LOXHD1: variants seen among roughly 807,000 people sequenced by gnomAD.
LOXHD1 encodes lipoxygenase homology PLAT domains 1.
Under a neutral mutation model 248.2 loss-of-function variants are expected in LOXHD1, and 205 were observed. The ratio of observed to expected loss-of-function variants is 0.83; its 90% CI spans 0.74 to 0.93. The LOEUF (loss-of-function observed/expected upper bound fraction) is 0.93, where lower values mean the gene tolerates loss of function less well. Ranked by LOEUF, LOXHD1 falls within the 40% of genes least tolerant of loss-of-function variation. The pLI is 0.00. For synonymous variants in LOXHD1, 1,113 were observed against 1,162.8 expected, an observed-to-expected ratio of 0.96 and a Z score of 0.87; for missense variants, 2,930 against 2,971.6, an observed-to-expected ratio of 0.99 and a Z score of 0.33.
chr18:46,601,058 T>C (rs1371537109), intron 8 of LOXHD1, among the ~76,000 whole-genome samples, 159 bp downstream of exon 8: 6 of 152,194 alleles, frequency 3.9e-5, no homozygotes, highest in Non-Finnish European at 7.3e-5. Context: ...TGAGGCAAGA[T>C]AGACGGACAC....
intron 23 of LOXHD1, among the ~76,000 whole-genome samples, chr18:46,544,224 T>A (rs1288978106): frequency 6.6e-6 from 1 of 152,206 alleles, no homozygotes; most frequent in Non-Finnish European, 1.5e-5. Flanking sequence ...CACTTACCAC[T>A]GGGTGGCCTT....
intron 39 of LOXHD1, among the ~76,000 whole-genome samples, chr18:46,484,748 G>A (rs2032893299): frequency 6.6e-6 from 1 of 152,192 alleles, no homozygotes. Flanking sequence ...TGTGGTCCTT[G>A]TCTACGTAGA....
chr18:46,591,499 C>T (rs2038167270), intron 12 of LOXHD1, among the ~76,000 whole-genome samples: 1 of 152,206 alleles, frequency 6.6e-6, no homozygotes, highest in South Asian at 2.1e-4. Context: ...AGTCCTTCTC[C>T]TGCTATCCTT....
intron 5 of LOXHD1, among the ~76,000 whole-genome samples, chr18:46,611,472 G>A (rs2038507471): frequency 6.6e-6 from 1 of 152,202 alleles, no homozygotes; most frequent in South Asian, 2.1e-4. Flanking sequence ...ACTTAGAGAA[G>A]TTAAACACCT....
At chr18:46,557,281 TC>T in intron 21 of LOXHD1, 74 bp downstream of exon 21, 1 of 1,537,950 alleles carries the variant, frequency 6.5e-7, no homozygotes. Context: ...CCAGTCTTCT[TC>T]CAGGACTACC....
In LOXHD1 at chr18:46,542,724, C is replaced by A. The variant is rs2036615924; in HGVS notation, c.3748+3G>T. The A allele has an allele frequency of 1.9e-6, 3 of 1,551,650 alleles. No homozygotes were observed. Among genetic ancestry groups the A allele is most frequent in the Non-Finnish European group, 2.6e-6 (3 of 1,146,996 alleles). On this transcript the variant is annotated splice_donor_region_variant and intron_variant, in intron 24 of 40. Coordinates refer to ENST00000642948, the MANE Select transcript of LOXHD1 (RefSeq NM_001384474.1). ...CAAGGAACAGAGGGGAGGGAAGCCA[C>A]ACCTGTGTTGTCATGGCCAAGCCGG...
chr18:46,572,160 C>A lies in LOXHD1; in HGVS notation c.1973G>T (p.Trp658Leu), dbSNP rs1402775763. The A allele has an allele frequency of 6.4e-7, 1 of 1,551,826 alleles. No individual in the cohort carries two copies. Among genetic ancestry groups the A allele is most frequent in the Non-Finnish European group, 8.7e-7 (1 of 1,147,002 alleles). The change falls in exon 15 of 41, where the codon TGG becomes TTG. Residue 658 changes from tryptophan to leucine, a missense_variant and splice_region_variant. Transcript: ENST00000642948. ...CCCATCATCCTTATCCTTGTCCAAC[C>A]ACCTGGTGGGCAAATGGGGGAATGT... is the stretch of plus-strand genomic sequence containing the variant. ...SDNVEFPCLR[W>L]LDKDKDDGQL...
intron 22 of LOXHD1, among the ~76,000 whole-genome samples, chr18:46,545,862 C>T (rs1188460886): frequency 6.6e-6 from 1 of 151,616 alleles, no homozygotes; most frequent in African/African-American, 2.4e-5. Flanking sequence ...ATCTCCTGAC[C>T]TCGTGATCCG....
intron 32 of LOXHD1, among the ~76,000 whole-genome samples, chr18:46,521,660 T>C (rs2076196543): frequency 6.6e-6 from 1 of 151,822 alleles, no homozygotes; most frequent in Non-Finnish European, 1.5e-5. Flanking sequence ...CCCAAGAAAA[T>C]GGATTCTGCC....
intron 29 of LOXHD1, among the ~76,000 whole-genome samples, chr18:46,527,081 G>A (rs2035861137): frequency 6.6e-6 from 1 of 151,980 alleles, no homozygotes; most frequent in South Asian, 2.1e-4. Flanking sequence ...GAAAGGGATG[G>A]GGCAGAATGG....
intron 35 of LOXHD1, among the ~76,000 whole-genome samples, chr18:46,509,190 C>G (rs774187061): frequency 6.6e-6 from 1 of 152,120 alleles, no homozygotes; most frequent in Admixed American, 6.6e-5. Flanking sequence ...TGGCTTCAGC[C>G]CAACTGAGAG....
At chr18:46,655,653 T>TA (rs1387916748) in intron 1 of LOXHD1, among the ~76,000 whole-genome samples, 1 of 152,080 alleles carries the variant, frequency 6.6e-6, no homozygotes, top group East Asian at 1.9e-4. Context: ...CCCTTGGAGG[T>TA]ACCCAGGATT....
At chr18:46,627,664 C>T (rs888518114) in intron 4 of LOXHD1, among the ~76,000 whole-genome samples, 1 of 152,032 alleles carries the variant, frequency 6.6e-6, no homozygotes, top group Non-Finnish European at 1.5e-5. Flanking sequence ...GGGTGGAGGC[C>T]ACAGTGAAAA....
intron 8 of LOXHD1, among the ~76,000 whole-genome samples, chr18:46,597,971 G>C (rs2038283875): frequency 6.8e-6 from 1 of 147,298 alleles, no homozygotes; most frequent in Admixed American, 6.8e-5. Flanking sequence ...GTTTCACCAT[G>C]TTAGCCAGGC....
Position 46,533,323 on chromosome 18 carries a change from C to T in LOXHD1, c.4214G>A (p.Gly1405Asp), listed in dbSNP as rs747182917. ...GCATGGGAAAGTCAAGGTCTCTGCA[C>T]CCTGGGGTGAGGCAGAAAAAGGAAA... ...DIRRLLPDKDGAETLTFPCDR... is the reference protein window; with the variant it reads ...DIRRLLPDKDDAETLTFPCDR... Residue 1405 changes from glycine (G) to aspartate (D), a missense_variant and splice_region_variant, in exon 28 of 41, where the codon GGT becomes GAT. Physicochemically the swap from Gly to Asp is moderately conservative, Grantham distance 94. Transcript: ENST00000642948. The T allele has an allele frequency of 1.3e-6, 2 of 1,551,402 alleles. No individual in the cohort carries two copies. Among genetic ancestry groups the T allele is most frequent in the South Asian group, 1.2e-5 (1 of 83,986 alleles).
Position 46,604,117 on chromosome 18 carries a change from G to A in LOXHD1, c.872C>T (p.Ala291Val). Residue 291 changes from alanine to valine, a missense_variant, in exon 7 of 41, where the codon GCT (alanine) becomes GTT (valine). Coordinates refer to ENST00000642948, the MANE Select transcript of LOXHD1 (RefSeq NM_001384474.1). Reference protein sequence around the residue: ...KIQRDILVGGAETTAITYIVT... With the variant: ...KIQRDILVGGVETTAITYIVT... ...TTCTTCAAATCTACCTGTGGTCTCA[G>A]CTCCGCCCACTAAGATATCCCTTTG... 1 of 1,551,704 alleles carries A rather than the reference G, an allele frequency of 6.4e-7. No individual in the cohort carries two copies. The highest frequency in any genetic ancestry group is 8.7e-7 in the Non-Finnish European group (1 of 1,146,990).
At chr18:46,513,364 T>G (rs2035076169) in intron 34 of LOXHD1, among the ~76,000 whole-genome samples, 1 of 152,216 alleles carries the variant, frequency 6.6e-6, no homozygotes, top group South Asian at 2.1e-4. Context: ...TTGGAATCCA[T>G]GTATATAACT....
At chr18:46,521,612 G>A (rs2035581706) in intron 32 of LOXHD1, among the ~76,000 whole-genome samples, 1 of 152,124 alleles carries the variant, frequency 6.6e-6, no homozygotes, top group Admixed American at 6.5e-5. Flanking sequence ...GGTGGGGAAT[G>A]GTGGGCTGCT....
Position 46,538,635 on chromosome 18 carries a change from G to A in LOXHD1, c.3914-298C>T, listed in dbSNP as rs60585401. ...GTTGAAAGCACAGGCTTCAGAATTT[G>A]ACAAGCCCAGGCTGGAATCCCAGCT... On this transcript the variant is annotated intron_variant, in intron 25 of 40. Transcript: ENST00000642948. Among the ~76,000 whole-genome samples, 392 of 152,292 alleles carry A rather than the reference G, an allele frequency of 2.6e-3. 15 individuals are homozygous for A. The East Asian group carries it at 0.057, about 22-fold the overall frequency.
Sources: allele counts gnomAD v4.1 joint callset (sites outside exome capture counted in the v4.1 genomes callset), GRCh38; gene constraint gnomAD v4.1.1; transcripts MANE v1.5; gene names NCBI Gene and HGNC (gene_info 2026-07-23, HGNC 2026-07-21).